The following VAT1L variants were observed in gnomAD, a reference collection of about 807,000 sequenced individuals.
VAT1L encodes the protein vesicle amine transport 1 like, also known as putative NADPH-dependent quinone oxidoreductase VAT1L.
In VAT1L, 34 loss-of-function variants were observed where a neutral mutation model predicts 44.1. The observed-to-expected ratio is 0.77, with a 90% CI of 0.59 to 1.03. The LOEUF is 1.03. VAT1L is among the 50% of genes least tolerant of loss of function. The pLI, the probability that VAT1L is intolerant of heterozygous loss-of-function variation, is 0.00. For synonymous variants in VAT1L, 253 were observed against 202.2 expected (o/e 1.25, Z -2.13); for missense variants, 615 against 538.8 (o/e 1.14, Z -1.40).
chr16:77,949,945 C>T (rs549643085), intron 7 of VAT1L, among the ~76,000 whole-genome samples: 18 of 152,302 alleles, frequency 1.2e-4, no homozygotes, highest in African/African-American at 4.3e-4. Context: ...ACTTACACAG[C>T]TTCTAATGAA....
intron 3 of VAT1L, among the ~76,000 whole-genome samples, chr16:77,850,106 C>G (rs1200078846): frequency 6.6e-6 from 1 of 152,182 alleles, no homozygotes; most frequent in Non-Finnish European, 1.5e-5. Context: ...ACGATAGTCC[C>G]AAGTAAACGC....
chr16:77,921,748 T>A (rs1401611587), intron 7 of VAT1L, among the ~76,000 whole-genome samples: 2 of 152,074 alleles, frequency 1.3e-5, no homozygotes, highest in African/African-American at 4.8e-5. Context: ...ACTTGTACAC[T>A]TTTTTTTCTT....
At chr16:77,919,545 C>G (rs983327366) in intron 7 of VAT1L, among the ~76,000 whole-genome samples, 1 of 152,152 alleles carries the variant, frequency 6.6e-6, no homozygotes, top group African/African-American at 2.4e-5. Context: ...CGTTACTGAG[C>G]GAGTCTGAAC....
chr16:77,963,898 G>A (rs1043383258), intron 7 of VAT1L, among the ~76,000 whole-genome samples: 1 of 152,140 alleles, frequency 6.6e-6, no homozygotes, highest in Non-Finnish European at 1.5e-5. Context: ...GGACGTCTTC[G>A]CAATACGTGA....
At chr16:77,863,674 G>T (rs1233249151) in intron 4 of VAT1L, among the ~76,000 whole-genome samples, 8 of 152,194 alleles carry the variant, frequency 5.3e-5, no homozygotes, top group Admixed American at 1.3e-4. Context: ...AGCCTCAGAG[G>T]CTGGGAGAAC....
intron 3 of VAT1L, among the ~76,000 whole-genome samples, chr16:77,857,110 C>G (rs2016866944): frequency 6.6e-6 from 1 of 152,138 alleles, no homozygotes; most frequent in African/African-American, 2.4e-5. Flanking sequence ...AGATGTGGTG[C>G]AGAATTCTTA....
At chr16:77,843,033 C>T (rs1167157410) in intron 3 of VAT1L, among the ~76,000 whole-genome samples, 2 of 152,122 alleles carry the variant, frequency 1.3e-5, no homozygotes, top group Non-Finnish European at 2.9e-5. Flanking sequence ...TGAAATAAAG[C>T]CAGTCACCCA....
intron 3 of VAT1L, among the ~76,000 whole-genome samples, chr16:77,854,807 G>A (rs1057142383): frequency 6.6e-6 from 1 of 152,096 alleles, no homozygotes; most frequent in Non-Finnish European, 1.5e-5. Context: ...GTTTAACAGT[G>A]AAAACAACTT....
chr16:77,970,051 T>TAAA (rs36120858), intron 7 of VAT1L, among the ~76,000 whole-genome samples: 11 of 86,816 alleles, frequency 1.3e-4, no homozygotes, highest in African/African-American at 1.9e-4. Flanking sequence ...ACATCTCTAC[T>TAAA]AAAAAAAAAA....
At chr16:77,803,732 A>C (rs948572013) in intron 1 of VAT1L, among the ~76,000 whole-genome samples, 9 of 151,952 alleles carry the variant, frequency 5.9e-5, no homozygotes, top group Non-Finnish European at 1.2e-4. Flanking sequence ...CATTCTTTTT[A>C]TCAGCAGTAA....
Position 77,885,714 on chromosome 16 carries a change from C to G in VAT1L, c.1077+912C>G, listed in dbSNP as rs1269506665. On this transcript the variant is annotated intron_variant, in intron 7 of 8. Coordinates refer to ENST00000302536, the MANE Select transcript of VAT1L (RefSeq NM_020927.3). ...AGTACTTTGTTGTACTTTTGCAAGTCACAAATACTTTTTAAAAAAATAACA... is the reference window on the plus strand; with the variant it reads ...AGTACTTTGTTGTACTTTTGCAAGTGACAAATACTTTTTAAAAAAATAACA... 2.0e-5 allele frequency among the ~76,000 whole-genome samples: 3 copies of G among 151,692 alleles called. No individual in the cohort carries two copies. In the East Asian group the frequency reaches 5.8e-4, roughly 29 times the overall value.
chr16:77,896,427 A>C (rs1467784875), intron 7 of VAT1L, among the ~76,000 whole-genome samples: 1 of 152,206 alleles, frequency 6.6e-6, no homozygotes, highest in Non-Finnish European at 1.5e-5. Context: ...GAATAACGCT[A>C]CCTTCCTTCG....
intron 8 of VAT1L, among the ~76,000 whole-genome samples, chr16:77,975,231 A>ATTTTTT (rs1567527926): frequency 1.6e-5 from 1 of 62,462 alleles, no homozygotes; most frequent in African/African-American, 6.4e-5. Flanking sequence ...TTTTTTTTAA[A>ATTTTTT]GACAGTCTCA....
At chr16:77,967,778 G>A (rs2018238628) in intron 7 of VAT1L, among the ~76,000 whole-genome samples, 1 of 152,168 alleles carries the variant, frequency 6.6e-6, no homozygotes, top group Non-Finnish European at 1.5e-5. Flanking sequence ...TAGTCTCCAA[G>A]GAGTTTTCAG....
chr16:77,914,489 A>C (rs2017531179), intron 7 of VAT1L, among the ~76,000 whole-genome samples: 1 of 152,222 alleles, frequency 6.6e-6, no homozygotes, highest in South Asian at 2.1e-4. Flanking sequence ...TTGATTTATC[A>C]CTTGGTTTAT....
chr16:77,971,707 G>A (rs1328525706), intron 7 of VAT1L, 143 bp from the exon 8 acceptor site: 16 of 748,532 alleles, frequency 2.1e-5, no homozygotes, highest in Non-Finnish European at 3.1e-5. Context: ...GCACCCCAGC[G>A]TCCAACAGCA....
At chr16:77,866,685 G>C (rs1361563239) in intron 4 of VAT1L, among the ~76,000 whole-genome samples, 3 of 151,648 alleles carry the variant, frequency 2.0e-5, no homozygotes, top group African/African-American at 7.3e-5. Flanking sequence ...AGCCTCCTTT[G>C]AACACATTCT....
At chr16:77,791,395 T>C (rs1366695702) in intron 1 of VAT1L, among the ~76,000 whole-genome samples, 2 of 152,212 alleles carry the variant, frequency 1.3e-5, no homozygotes, top group East Asian at 1.9e-4. Flanking sequence ...TGGCTATGAA[T>C]TTTATGAAAA....
chr16:77,946,192 C>T (rs908664191), intron 7 of VAT1L, among the ~76,000 whole-genome samples: 2 of 150,976 alleles, frequency 1.3e-5, no homozygotes, highest in Non-Finnish European at 2.9e-5. Context: ...GCATTTTAAA[C>T]TATAATGGCT....
Sources: gnomAD v4.1 joint callset for allele counts (sites outside exome capture counted in the v4.1 genomes callset) on GRCh38, gnomAD v4.1.1 for gene constraint, MANE v1.5 for transcripts, NCBI Gene and HGNC (gene_info 2026-07-23, HGNC 2026-07-21) for gene names.